The following NOP9 variants were observed in gnomAD, a reference collection of about 807,000 sequenced individuals.
The protein encoded by NOP9 is NOP9 nucleolar protein, also known as nucleolar protein 9.
Under a neutral mutation model 63.0 loss-of-function variants are expected in NOP9, and 50 were observed. The observed-to-expected ratio is 0.79, with a 90% CI of 0.63 to 1.00. The LOEUF (loss-of-function observed/expected upper bound fraction) is 1.00, where lower values mean the gene tolerates loss of function less well. NOP9 is among the 50% of genes least tolerant of loss of function. The probability of loss-of-function intolerance (pLI) is 0.00; values close to 1 mark genes in which losing one functional copy is unlikely to be tolerated. For missense variants in NOP9, 758 were observed against 803.0 expected, an observed-to-expected ratio of 0.94 and a Z score of 0.68; for synonymous variants, 343 against 332.8, an observed-to-expected ratio of 1.03 and a Z score of -0.33.
the NOP9 span, chr14:24,291,882 T>C: frequency 3.3e-6 from 2 of 605,406 alleles, no homozygotes; most frequent in Non-Finnish European, 5.8e-6. Context: ...AAATAGTGTT[T>C]GGACCTTCTA....
At chr14:24,304,862 A>G (rs571003783) in intron 9 of NOP9, 76 bp from the exon 10 acceptor site, 10 of 1,449,176 alleles carry the variant, frequency 6.9e-6, no homozygotes, top group African/African-American at 5.7e-5. Flanking sequence ...GTCTGGGGGA[A>G]ATGGAGGGAT....
At chr14:24,296,422 A>C, upstream of NOP9, 1 of 1,302,982 alleles carries the variant, frequency 7.7e-7, no homozygotes, top group Non-Finnish European at 1.1e-6. Flanking sequence ...GGCCGGAGGG[A>C]AAAGGAGAGG....
rs758593534 is a variant in NOP9, at chr14:24,306,554, G to T, written c.*1459G>T. 1.9e-6 allele frequency: 3 copies of T among 1,613,928 alleles called. No individual in the cohort carries two copies. Among genetic ancestry groups the T allele is most frequent in the African/African-American group, 1.3e-5 (1 of 74,948 alleles). On this transcript the variant is annotated 3_prime_UTR_variant, in exon 10 of 10. Transcript: ENST00000267425. ...CAATGGCAAGAAGCAAGAAGGGCAGGTCTTATCCCATGCCCCTTCCCTCTT... is the reference window on the plus strand; with the variant it reads ...CAATGGCAAGAAGCAAGAAGGGCAGTTCTTATCCCATGCCCCTTCCCTCTT...
At chr14:24,291,017 G>A in the NOP9 span, 5 of 1,613,792 alleles carry the variant, frequency 3.1e-6, no homozygotes, top group African/African-American at 6.7e-5. Flanking sequence ...AGGAGGAGGA[G>A]GATTAGATTC....
At position 24,308,294 on chromosome 14, in the gene NOP9, T is replaced by C. The variant is rs939471389; in HGVS notation, c.*3199T>C. The C allele has an allele frequency of 8.7e-6, 2 of 229,184 alleles. No individual in the cohort carries two copies. The highest frequency in any genetic ancestry group is 1.8e-5 in the Non-Finnish European group (2 of 112,904). The allele number at this position is 229,184 out of a possible 1,614,324, so 14.2% of individuals were successfully genotyped here. On this transcript the variant is annotated 3_prime_UTR_variant, in exon 10 of 10. Transcript: ENST00000267425. ...GTGCTGCCACCTACTGGAGAAGCCA[T>C]AAGCTGCAGCTTTAGGAAAAGGGAA...
the NOP9 span, among the ~76,000 whole-genome samples, chr14:24,290,422 T>C: frequency 6.6e-6 from 1 of 152,096 alleles, no homozygotes; most frequent in Admixed American, 6.5e-5. Flanking sequence ...GCGACTCTGC[T>C]CCTCAGCTGG....
chr14:24,299,174 G>A, upstream of NOP9: 1 of 1,537,254 alleles, frequency 6.5e-7, no homozygotes, highest in African/African-American at 1.4e-5. Flanking sequence ...TGGAGACTGT[G>A]TGTGTGTTGG....
chr14:24,291,223 C>T, the NOP9 span: 34 of 1,613,858 alleles, frequency 2.1e-5, no homozygotes, highest in African/African-American at 2.9e-4. Flanking sequence ...TTGGGATCTG[C>T]GGGCACACAG....
chr14:24,301,249 TA>T (rs980555270), intron 2 of NOP9, among the ~76,000 whole-genome samples: 4 of 151,998 alleles, frequency 2.6e-5, no homozygotes, highest in Non-Finnish European at 5.9e-5. Context: ...CTATTTCATT[TA>T]AAAAAAATGC....
rs201894673 is a variant in NOP9 at position 24,302,236 on chromosome 14, C to T, written c.955C>T (p.Leu319=). Residue 319 remains leucine (L), a synonymous_variant, in exon 5 of 10, where the codon CTA becomes TTA. Coordinates refer to ENST00000267425, the MANE Select transcript of NOP9 (RefSeq NM_174913.3). ...TGATGCCCTTCTTGTCCCTAGTCCCCTACTGCTATTTCTCCGAGATCAGAC... is the reference window on the plus strand; with the variant it reads ...TGATGCCCTTCTTGTCCCTAGTCCCTTACTGCTATTTCTCCGAGATCAGAC... ...TRGSSVDGSP[L]LLFLRDQTSS... 1.2e-6 allele frequency: 2 copies of T among 1,611,686 alleles called. No individual in the cohort carries two copies. Among genetic ancestry groups the T allele is most frequent in the East Asian group, 2.2e-5 (1 of 44,794 alleles).
rs201728029 is a variant in NOP9, at chr14:24,305,006, A to G, written c.1822A>G (p.Thr608Ala). Residue 608 changes from threonine (T) to alanine (A), a missense_variant, in exon 10 of 10, where the codon ACC becomes GCC. By Grantham distance (58) the Thr-to-Ala change is moderately conservative. Transcript: ENST00000267425. ...HHVARNVALT[T>A]FLKRREAWEQ... is the part of the protein sequence containing the mutation. ...TGTGGCTCGAAATGTGGCCTTGACT[A>G]CCTTCCTAAAGCGGCGAGAGGCTTG... The G allele has an allele frequency of 4.4e-6, 7 of 1,604,876 alleles. No homozygotes were observed. Among genetic ancestry groups the G allele is most frequent in the Non-Finnish European group, 6.0e-6 (7 of 1,176,138 alleles).
upstream of NOP9, chr14:24,298,980 T>C: frequency 6.2e-7 from 1 of 1,612,296 alleles, no homozygotes; most frequent in Non-Finnish European, 8.5e-7. Flanking sequence ...ACGCGAAGGG[T>C]GTCCAGATGG....
chr14:24,292,285 C>T, the NOP9 span: 104 of 1,614,052 alleles, frequency 6.4e-5, no homozygotes, highest in Non-Finnish European at 8.5e-5. Context: ...CAGCTGACCC[C>T]ATGGCGCCGC....
At chr14:24,296,178 C>A (rs1241136451), upstream of NOP9, among the ~76,000 whole-genome samples, 1 of 152,328 alleles carries the variant, frequency 6.6e-6, no homozygotes, top group Non-Finnish European at 1.5e-5. Flanking sequence ...CTCCCTCTAA[C>A]CATTTTGAAA....
chr14:24,303,795 A>G lies in NOP9; in HGVS notation c.1348A>G (p.Met450Val). The G allele has an allele frequency of 1.9e-6, 3 of 1,614,064 alleles. No individual in the cohort carries two copies. The highest frequency in any genetic ancestry group is 2.5e-6 in the Non-Finnish European group (3 of 1,179,998). The change falls in exon 7 of 10, where the codon ATG (methionine) becomes GTG (valine). Residue 450 changes from methionine (M) to valine (V), a missense_variant. Transcript: ENST00000267425. Reference sequence around the variant, plus strand: ...CTGTGTGCCTCTCTTTGCCACTTTGATGGCTTATGAGGTGTACTATGGACT... The same window carrying G: ...CTGTGTGCCTCTCTTTGCCACTTTGGTGGCTTATGAGGTGTACTATGGACT... ...VACVPLFATLMAYEVYYGLTE... is the reference protein window; with the variant it reads ...VACVPLFATLVAYEVYYGLTE...
chr14:24,292,821 G>A, the NOP9 span: 7 of 1,593,258 alleles, frequency 4.4e-6, no homozygotes, highest in Non-Finnish European at 5.1e-6. Flanking sequence ...AATGAACCGT[G>A]TTAGTGCTGG....
At chr14:24,289,570 G>A in the NOP9 span, among the ~76,000 whole-genome samples, 1 of 152,218 alleles carries the variant, frequency 6.6e-6, no homozygotes, top group Non-Finnish European at 1.5e-5. Flanking sequence ...GGAAGAGGGT[G>A]AGCAGGTGCT....
the NOP9 span, chr14:24,290,597 A>T: frequency 3.5e-5 from 15 of 430,210 alleles, no homozygotes; most frequent in African/African-American, 2.8e-4. Flanking sequence ...TCAAAAACAC[A>T]TTGAAAGAGA....
In NOP9 at chr14:24,304,218, A is replaced by T; in HGVS notation, c.1588A>T (p.Ile530Phe). The change falls in exon 8 of 10, where the codon ATC (isoleucine) becomes TTC (phenylalanine). Residue 530 changes from isoleucine (I) to phenylalanine (F), a missense_variant. Ile to Phe is a conservative substitution (Grantham distance 21). Coordinates refer to ENST00000267425, the MANE Select transcript of NOP9 (RefSeq NM_174913.3). The stretch of plus-strand genomic sequence containing the variant: ...CGCTGGCTCTCATGTGCTCGATGCC[A>T]TCCTGACCAGCCCCTCTGTGACGCG... ...SPAGSHVLDA[I>F]LTSPSVTRKL... 6.2e-7 allele frequency: 1 copy of T among 1,614,220 alleles called. No individual in the cohort carries two copies. The highest frequency in any genetic ancestry group is 1.1e-5 in the South Asian group (1 of 91,086).
Sources: gnomAD v4.1 joint callset for allele counts (sites outside exome capture counted in the v4.1 genomes callset) on GRCh38, gnomAD v4.1.1 for gene constraint, MANE v1.5 for transcripts, NCBI Gene and HGNC (gene_info 2026-07-23, HGNC 2026-07-21) for gene names.